Variants in LRRC31 observed in about 807,000 individuals in gnomAD.
LRRC31 encodes leucine-rich repeat-containing protein 31.
A neutral mutation model predicts 46.7 loss-of-function variants in LRRC31; 35 were observed. The ratio of observed to expected loss-of-function variants is 0.75; its 90% CI spans 0.57 to 0.99. The LOEUF (loss-of-function observed/expected upper bound fraction) is 0.99, where lower values mean the gene tolerates loss of function less well. Ranked by LOEUF, LRRC31 falls within the 50% of genes least tolerant of loss-of-function variation. The pLI is 0.00. For synonymous variants in LRRC31, 236 were observed against 235.1 expected, an observed-to-expected ratio of 1.00 and a Z score of -0.03; for missense variants, 613 against 626.1, an observed-to-expected ratio of 0.98 and a Z score of 0.22.
chr3:169,848,019 C>T, intron 8 of LRRC31, 101 bp downstream of exon 8: 1 of 1,171,366 alleles, frequency 8.5e-7, no homozygotes, highest in Non-Finnish European at 1.2e-6. Context: ...AGGGCTTCAC[C>T]CCAGGTCTGG....
At chr3:169,866,901 G>A (rs959013758) in intron 1 of LRRC31, among the ~76,000 whole-genome samples, 3 of 152,034 alleles carry the variant, frequency 2.0e-5, no homozygotes, top group African/African-American at 7.3e-5. Flanking sequence ...GGCAGAGGTT[G>A]CAGTGAGCCG....
chr3:169,851,883 T>C, intron 6 of LRRC31, 97 bp from the exon 7 acceptor site: 1 of 1,246,164 alleles, frequency 8.0e-7, no homozygotes, highest in Non-Finnish European at 1.1e-6. Flanking sequence ...TGTCAGTCAA[T>C]ACAGCTCTCC....
intron 1 of LRRC31, among the ~76,000 whole-genome samples, chr3:169,863,691 G>C (rs565083942): frequency 1.3e-5 from 2 of 152,324 alleles, no homozygotes; most frequent in East Asian, 1.9e-4. Flanking sequence ...ATTTTGGGTA[G>C]AGTTGCCAGA....
intron 1 of LRRC31, among the ~76,000 whole-genome samples, chr3:169,864,537 T>C (rs1781271756): frequency 6.6e-6 from 1 of 152,226 alleles, no homozygotes; most frequent in Non-Finnish European, 1.5e-5. Flanking sequence ...AGCATCGTGA[T>C]TTAAACTTAC....
rs1780891898 is a variant in LRRC31 at position 169,854,838 on chromosome 3, T to C, written c.966A>G (p.Leu322=). 6.2e-7 allele frequency: 1 copy of C among 1,613,428 alleles called. No individual in the cohort carries two copies. Among genetic ancestry groups the C allele is most frequent in the African/African-American group, 1.3e-5 (1 of 74,930 alleles). The change falls in exon 6 of 9, where the codon CTA becomes CTG. Residue 322 remains leucine (L), a synonymous_variant. Transcript: ENST00000316428. ...LQVLDLHQCS[L]TADDVMSLTQ... ...TCAGTGACATCACGTCATCTGCTGT[T>C]AGTGAGCACTGGTGAAGATCTAGGA...
chr3:169,861,018 A>G (rs1401395689), intron 2 of LRRC31, among the ~76,000 whole-genome samples: 3 of 151,348 alleles, frequency 2.0e-5, no homozygotes, highest in Non-Finnish European at 4.4e-5. Context: ...TCCTAAACTC[A>G]GCTGAAGTCT....
chr3:169,864,163 C>T (rs1301927822), intron 1 of LRRC31, among the ~76,000 whole-genome samples: 1 of 152,206 alleles, frequency 6.6e-6, no homozygotes, highest in African/African-American at 2.4e-5. Flanking sequence ...GTTTTCTCCT[C>T]AAGACACTGC....
intron 1 of LRRC31, among the ~76,000 whole-genome samples, chr3:169,867,055 G>GT (rs1468629529): frequency 9.4e-6 from 1 of 106,670 alleles, no homozygotes; most frequent in Non-Finnish European, 1.7e-5. Flanking sequence ...TTGTTTGTTT[G>GT]TTTGTTTTTT....
At chr3:169,840,521 T>C (rs914800003) in intron 8 of LRRC31, among the ~76,000 whole-genome samples, 3 of 152,214 alleles carry the variant, frequency 2.0e-5, no homozygotes, top group East Asian at 1.9e-4. Flanking sequence ...TTTATTTCTT[T>C]TTCCAAATCT....
intron 6 of LRRC31, among the ~76,000 whole-genome samples, chr3:169,852,210 A>T (rs1780799901): frequency 6.7e-6 from 1 of 149,750 alleles, no homozygotes; most frequent in East Asian, 2.0e-4. Context: ...CATCCTGGCT[A>T]ACACGGTGAA....
intron 3 of LRRC31, among the ~76,000 whole-genome samples, chr3:169,858,717 C>T (rs1781045961): frequency 6.6e-6 from 1 of 152,150 alleles, no homozygotes. Context: ...AAAAGTGGCA[C>T]TAGAGGCTGG....
Position 169,840,299 on chromosome 3 carries a change from T to A in LRRC31, c.1342A>T (p.Thr448Ser), listed in dbSNP as rs568918770. 2 of 1,614,158 alleles carry A rather than the reference T, an allele frequency of 1.2e-6. No homozygotes were observed. The highest frequency in any genetic ancestry group is 4.5e-5 in the East Asian group (2 of 44,886). ...DVALLASVIQ[T>S]GHLAKLQKLD... ...TTTTGCAGTTTGGCCAGATGACCCG[T>A]CTGTATGACCGATGCTGGAAAACAG... Residue 448 changes from threonine to serine, a missense_variant, in exon 9 of 9, where the codon ACG becomes TCG. Thr to Ser is a moderately conservative substitution (Grantham distance 58). Transcript: ENST00000316428.
chr3:169,848,254 A>G lies in LRRC31; in HGVS notation c.1193T>C (p.Val398Ala). The G allele has an allele frequency of 6.2e-7, 1 of 1,614,220 alleles. No individual in the cohort carries two copies. The highest frequency in any genetic ancestry group is 8.5e-7 in the Non-Finnish European group (1 of 1,180,034). Residue 398 changes from valine (V) to alanine (A), a missense_variant, in exon 8 of 9, where the codon GTA (valine) becomes GCA (alanine). By Grantham distance (64) the Val-to-Ala change is moderately conservative. Transcript: ENST00000316428. Reference protein sequence around the residue: ...EASVHLSALEVFNLSWNKCVG... With the variant: ...EASVHLSALEAFNLSWNKCVG... ...ACACTTGTTCCAAGAAAGGTTGAATACTTCCAGAGCAGAGAGGTGAACAGA... is the reference window on the plus strand; with the variant it reads ...ACACTTGTTCCAAGAAAGGTTGAATGCTTCCAGAGCAGAGAGGTGAACAGA...
chr3:169,864,635 T>C (rs1458662961), intron 1 of LRRC31, among the ~76,000 whole-genome samples: 2 of 152,236 alleles, frequency 1.3e-5, no homozygotes, highest in Non-Finnish European at 2.9e-5. Flanking sequence ...AACAATTGAA[T>C]GAATGAATAT....
intron 3 of LRRC31, among the ~76,000 whole-genome samples, chr3:169,857,345 T>TATATATATATATATATATAC (rs1491209579): frequency 1.0e-4 from 9 of 89,446 alleles, no homozygotes; most frequent in South Asian, 4.5e-4. Context: ...TATATATATA[T>TATATATATATATATATATAC]ACACACACAC....
At chr3:169,861,268 C>T (rs1445402086) in intron 2 of LRRC31, among the ~76,000 whole-genome samples, 1 of 151,338 alleles carries the variant, frequency 6.6e-6, no homozygotes, top group Non-Finnish European at 1.5e-5. Context: ...GGGGTTTCAC[C>T]ATCTTGGCCA....
chr3:169,839,970 T>C lies in LRRC31; in HGVS notation c.*12A>G, dbSNP rs1263498533. The C allele has an allele frequency of 3.1e-6, 5 of 1,593,886 alleles. No individual in the cohort carries two copies. Among genetic ancestry groups the C allele is most frequent in the Non-Finnish European group, 4.3e-6 (5 of 1,167,460 alleles). ...GAATGGTTTGTAGCTTAGTAGGACA[T>C]GGGAAATCAGTTTACTGAAACCCAC... On this transcript the variant is annotated 3_prime_UTR_variant, in exon 9 of 9. Coordinates refer to ENST00000316428, the MANE Select transcript of LRRC31 (RefSeq NM_024727.4).
intron 6 of LRRC31, among the ~76,000 whole-genome samples, chr3:169,852,650 A>G (rs573905969): frequency 3.8e-4 from 58 of 152,262 alleles, no homozygotes; most frequent in Non-Finnish European, 6.8e-4. Context: ...CCCAGCTAGG[A>G]ATTACCCTCG....
chr3:169,869,821 G>T lies in LRRC31; in HGVS notation c.-14C>A. On this transcript the variant is annotated 5_prime_UTR_variant, in exon 1 of 9. Coordinates refer to ENST00000316428, the MANE Select transcript of LRRC31 (RefSeq NM_024727.4). ...TGTTTGACTCATGGTGAAGTTGATG[G>T]GGGTAGTTCCCAATAAGACATCTTC... is the stretch of plus-strand genomic sequence containing the variant. The T allele has an allele frequency of 6.3e-7, 1 of 1,598,310 alleles. No homozygotes were observed. The highest frequency in any genetic ancestry group is 8.5e-7 in the Non-Finnish European group (1 of 1,174,358).
Sources: allele counts gnomAD v4.1 joint callset (sites outside exome capture counted in the v4.1 genomes callset), GRCh38; gene constraint gnomAD v4.1.1; transcripts MANE v1.5; gene names NCBI Gene and HGNC (gene_info 2026-07-23, HGNC 2026-07-21).